Variants in CRYBG2 observed in about 807,000 individuals in gnomAD.
CRYBG2 encodes the protein crystallin beta-gamma domain containing 2.
In CRYBG2, 106 loss-of-function variants were observed where a neutral mutation model predicts 153.4. The observed-to-expected ratio is 0.69, with a 90% CI of 0.59 to 0.81. CRYBG2 has a LOEUF of 0.81. Among genes scored for constraint, CRYBG2 ranks in the 30% least tolerant of loss-of-function variants. The pLI is 0.00. For synonymous variants in CRYBG2, 851 were observed against 877.8 expected, an observed-to-expected ratio of 0.97 and a Z score of 0.54; for missense variants, 1,996 against 2,112.0, an observed-to-expected ratio of 0.95 and a Z score of 1.08.
At position 26,342,880 on chromosome 1, in the gene CRYBG2, C is replaced by T. The variant is rs1372183047; in HGVS notation, c.3078G>A (p.Trp1026Ter). ...GGAACTCTGGCTCTTCGTACAGCACCCAGCTGTGGGCACAGAGATTCCAGG... is the reference window on the plus strand; with the variant it reads ...GGAACTCTGGCTCTTCGTACAGCACTCAGCTGTGGGCACAGAGATTCCAGG... The part of the protein sequence containing the change: ...VASIRVVRGC[W>*]VLYEEPEFRG... The change falls in exon 5 of 20, where the codon TGG becomes TGA. Residue 1026 changes from tryptophan to a stop codon, truncating the protein, a stop_gained. Coordinates refer to ENST00000308182, the MANE Select transcript of CRYBG2 (RefSeq NM_001039775.4). LOFTEE classifies it high-confidence loss of function. The T allele has an allele frequency of 1.9e-6, 3 of 1,614,070 alleles. No individual in the cohort carries two copies. The highest frequency in any genetic ancestry group is 2.5e-6 in the Non-Finnish European group (3 of 1,179,994).
chr1:26,327,481 C>CA lies in CRYBG2; in HGVS notation c.4578+727dup, dbSNP rs67397717. 4.0e-4 allele frequency among the ~76,000 whole-genome samples: 60 copies of CA among 148,612 alleles called. No individual in the cohort carries two copies. The Middle Eastern group carries it at 0.014, about 34-fold the overall frequency. On this transcript the variant is annotated intron_variant, in intron 17 of 19. Transcript: ENST00000308182. ...AGATTCCGTCTCAAAAAACAAAAAA[C>CA]AAAAAAAAAAACCAAAAATTAGCCA...
chr1:26,345,466 C>T lies in CRYBG2; in HGVS notation c.1192G>A (p.Asp398Asn). Reference sequence around the variant, plus strand: ...GGCAGGACGGTGGCAGCAGGGGGGTCCACGGGCCCGTCCTTTTTTTTAGGG... The same window carrying T: ...GGCAGGACGGTGGCAGCAGGGGGGTTCACGGGCCCGTCCTTTTTTTTAGGG... ...LPPKKKDGPV[D>N]PPAATVLPMV... The change falls in exon 2 of 20, where the codon GAC (aspartate) becomes AAC (asparagine). Residue 398 changes from aspartate (D) to asparagine (N), a missense_variant. Coordinates refer to ENST00000308182, the MANE Select transcript of CRYBG2 (RefSeq NM_001039775.4). 1 of 1,594,664 alleles carries T rather than the reference C, an allele frequency of 6.3e-7. No individual in the cohort carries two copies. Among genetic ancestry groups the T allele is most frequent in the Non-Finnish European group, 8.6e-7 (1 of 1,169,490 alleles).
In CRYBG2 at chr1:26,344,232, C is replaced by T; in HGVS notation, c.2426G>A (p.Gly809Glu). ...TLPAIEEDQL[G>E]PWVLGPGPQE... is the part of the protein sequence containing the mutation. Reference sequence around the variant, plus strand: ...GGGTCCGGGGCCCAGCACCCATGGCCCCAGCTGGTCCTCCTCAATGGCAGG... The same window carrying T: ...GGGTCCGGGGCCCAGCACCCATGGCTCCAGCTGGTCCTCCTCAATGGCAGG... The change falls in exon 2 of 20, where the codon GGG (glycine) becomes GAG (glutamate). Residue 809 changes from glycine to glutamate, a missense_variant. Coordinates refer to ENST00000308182, the MANE Select transcript of CRYBG2 (RefSeq NM_001039775.4). 1.3e-6 allele frequency: 2 copies of T among 1,535,164 alleles called. No homozygotes were observed. Among genetic ancestry groups the T allele is most frequent in the African/African-American group, 1.4e-5 (1 of 73,110 alleles).
intron 1 of CRYBG2, among the ~76,000 whole-genome samples, chr1:26,351,449 A>G (rs2074286354): frequency 6.6e-6 from 1 of 152,182 alleles, no homozygotes; most frequent in East Asian, 1.9e-4. Flanking sequence ...GGGATGTGCT[A>G]GGCCTTGGCT....
chr1:26,337,335 A>C lies in CRYBG2; in HGVS notation c.3689T>G (p.Leu1230Arg). The C allele has an allele frequency of 1.2e-6, 2 of 1,614,026 alleles. No individual in the cohort carries two copies. The highest frequency in any genetic ancestry group is 1.7e-6 in the Non-Finnish European group (2 of 1,179,944). The change falls in exon 10 of 20, where the codon CTG becomes CGG. Residue 1230 changes from leucine to arginine, a missense_variant. Leu to Arg is a moderately radical substitution (Grantham distance 102). Transcript: ENST00000308182. ...EKEGFRGHQYLLEEGEYPDWS... is the reference protein window; with the variant it reads ...EKEGFRGHQYRLEEGEYPDWS... ...GTCTGGGTATTCCCCCTCCTCCAGCAGATACTGGTGGCCCCGGAAGCCCTC... is the reference window on the plus strand; with the variant it reads ...GTCTGGGTATTCCCCCTCCTCCAGCCGATACTGGTGGCCCCGGAAGCCCTC...
intron 1 of CRYBG2, among the ~76,000 whole-genome samples, chr1:26,350,674 A>G (rs904671204): frequency 4.6e-5 from 7 of 152,136 alleles, no homozygotes; most frequent in African/African-American, 1.4e-4. Flanking sequence ...TTACATTTAC[A>G]GGGAGCCATG....
rs41285435 is a variant in CRYBG2 at position 26,343,910 on chromosome 1, G to T, written c.2748C>A (p.Thr916=). 7 of 1,534,286 alleles carry T rather than the reference G, an allele frequency of 4.6e-6. No homozygotes were observed. In the East Asian group the frequency reaches 9.8e-5, roughly 21 times the overall value. The change falls in exon 2 of 20, where the codon ACC becomes ACA. Residue 916 remains threonine, a synonymous_variant. Coordinates refer to ENST00000308182, the MANE Select transcript of CRYBG2 (RefSeq NM_001039775.4). This position sits in a 1 kb window ranked among gnomAD's most constrained non-coding sequence, Gnocchi z 4.1. ...GSLLFGSLVP[T]AKEASTPEPL... The stretch of plus-strand genomic sequence containing the variant: ...GTTCCGGGGTGGAGGCCTCCTTGGC[G>T]GTAGGCACCAGACTGCCGAACAGAA...
At position 26,336,010 on chromosome 1, in the gene CRYBG2, G is replaced by A. The variant is rs2074048687; in HGVS notation, c.4184+85C>T. ...AACAGTTCATCGCAAGGTAGCCAAA[G>A]GAAGGAAATCATTTGAAAGACTCTC... On this transcript the variant is annotated intron_variant, in intron 14 of 19. Coordinates refer to ENST00000308182, the MANE Select transcript of CRYBG2 (RefSeq NM_001039775.4). The surrounding 1 kb of genome is among the most constrained non-coding windows in gnomAD (Gnocchi z 4.9). The A allele has an allele frequency of 8.6e-7, 1 of 1,159,518 alleles. No homozygotes were observed. The highest frequency in any genetic ancestry group is 1.2e-6 in the Non-Finnish European group (1 of 841,620). 71.8% of individuals were successfully genotyped at this position (1,159,518 alleles called of 1,614,324 possible). A position where few individuals can be genotyped will look rare whatever the true frequency, so the allele number is the denominator to read the frequency against.
rs2074077350 is a variant in CRYBG2 at position 26,337,572 on chromosome 1, C to T, written c.3610G>A (p.Ala1204Thr). Residue 1204 changes from alanine to threonine, a missense_variant, in exon 9 of 20, where the codon GCC becomes ACC. Ala to Thr is a moderately conservative substitution (Grantham distance 58, BLOSUM62 0). Transcript: ENST00000308182. Reference protein sequence around the residue: ...QPEDSQSPHLASVGSLRVLGG... With the variant: ...QPEDSQSPHLTSVGSLRVLGG... Reference sequence around the variant, plus strand: ...AGAACTCTCAGGGACCCCACAGAGGCCAGGTGGGGGCTCTGGCTGTCCTCT... The same window carrying T: ...AGAACTCTCAGGGACCCCACAGAGGTCAGGTGGGGGCTCTGGCTGTCCTCT... The T allele has an allele frequency of 6.2e-7, 1 of 1,612,874 alleles. No individual in the cohort carries two copies. Among genetic ancestry groups the T allele is most frequent in the Non-Finnish European group, 8.5e-7 (1 of 1,179,964 alleles).
intron 14 of CRYBG2, among the ~76,000 whole-genome samples, chr1:26,332,223 C>G (rs543144882): frequency 1.1e-3 from 166 of 148,144 alleles, no homozygotes; most frequent in Non-Finnish European, 1.9e-3. Context: ...AGGAGAATGG[C>G]ATGAACCCAG....
chr1:26,324,032 C>T, intron 18 of CRYBG2, 120 bp downstream of exon 18: 1 of 1,088,248 alleles, frequency 9.2e-7, no homozygotes. Flanking sequence ...CTCTCCCTCT[C>T]CCCAGGGTCC....
intron 1 of CRYBG2, among the ~76,000 whole-genome samples, chr1:26,347,297 T>TTTG (rs2074235832): frequency 1.4e-5 from 2 of 137,946 alleles, no homozygotes; most frequent in African/African-American, 2.7e-5. Context: ...TTTTTTTTTT[T>TTTG]TTTTTTTTTT....
At chr1:26,347,550 A>G (rs1158897539) in intron 1 of CRYBG2, among the ~76,000 whole-genome samples, 1 of 151,438 alleles carries the variant, frequency 6.6e-6, no homozygotes, top group Non-Finnish European at 1.5e-5. Context: ...GTGCAGTGGC[A>G]TGATCTCGGC....
Position 26,342,773 on chromosome 1 carries a change from G to T in CRYBG2, c.3185C>A (p.Ser1062Tyr), listed in dbSNP as rs1257507610. Reference sequence around the variant, plus strand: ...ACTCACCCAGACAACCCTCCTTAGGGAGCCGATGCCTTGGGGACTCCACTT... The same window carrying T: ...ACTCACCCAGACAACCCTCCTTAGGTAGCCGATGCCTTGGGGACTCCACTT... ...GTKWSPQGIG[S>Y]LRRVVWDYST... Residue 1062 changes from serine to tyrosine, a missense_variant, in exon 5 of 20, where the codon TCC (serine) becomes TAC (tyrosine). Ser to Tyr is a moderately radical substitution (Grantham distance 144, BLOSUM62 -2). Coordinates refer to ENST00000308182, the MANE Select transcript of CRYBG2 (RefSeq NM_001039775.4). 6.2e-7 allele frequency: 1 copy of T among 1,613,862 alleles called. No individual in the cohort carries two copies.
At chr1:26,329,674 G>A (rs1174459135) in intron 15 of CRYBG2, among the ~76,000 whole-genome samples, 1 of 152,042 alleles carries the variant, frequency 6.6e-6, no homozygotes, top group Non-Finnish European at 1.5e-5. Flanking sequence ...GTCTCACCAT[G>A]TTGCCCAGGC....
chr1:26,328,388 GACAGGTGGAGGAGGAGAC>G, intron 16 of CRYBG2, 56 bp from the exon 17 acceptor site: 1 of 1,542,942 alleles, frequency 6.5e-7, no homozygotes, highest in African/African-American at 1.4e-5. Flanking sequence ...CAGACAGACA[GACAGGTGGAGGAGGAGAC>G]ACAGACGTCA....
At chr1:26,351,728 A>G (rs919241236) in intron 1 of CRYBG2, among the ~76,000 whole-genome samples, 4 of 152,154 alleles carry the variant, frequency 2.6e-5, no homozygotes, top group Non-Finnish European at 4.4e-5. Flanking sequence ...GCATGTGGTC[A>G]TTGGCTTCTG....
Position 26,342,782 on chromosome 1 carries a change from C to G in CRYBG2, c.3176G>C (p.Gly1059Ala), listed in dbSNP as rs147918435. ...RTPGTKWSPQ[G>A]IGSLRRVVWD... is the part of the protein sequence containing the mutation. ...GACAACCCTCCTTAGGGAGCCGATG[C>G]CTTGGGGACTCCACTTTGTCCCTGG... The change falls in exon 5 of 20, where the codon GGC becomes GCC. Residue 1059 changes from glycine to alanine, a missense_variant. By Grantham distance (60) the Gly-to-Ala change is moderately conservative. Transcript: ENST00000308182. 240 of 1,614,046 alleles carry G rather than the reference C, an allele frequency of 1.5e-4. No individual in the cohort carries two copies. In the African/African-American group the frequency reaches 2.9e-3, roughly 20 times the overall value.
rs757652571 is a variant in CRYBG2, at chr1:26,336,918, C to T, written c.3834G>A (p.Glu1278=). 6.2e-7 allele frequency: 1 copy of T among 1,612,742 alleles called. No individual in the cohort carries two copies. Among genetic ancestry groups the T allele is most frequent in the Non-Finnish European group, 8.5e-7 (1 of 1,179,572 alleles). The change falls in exon 11 of 20, where the codon GAG becomes GAA. Residue 1278 remains glutamate (E), a synonymous_variant. Transcript: ENST00000308182. This position sits in a 1 kb window ranked among gnomAD's most constrained non-coding sequence, Gnocchi z 4.9. ...CCACATCCGGCAATGCCTTGCTCAC[C>T]TCCACGCCGTGCCCCTCGAAGTCCA... is the stretch of plus-strand genomic sequence containing the variant. ...EAMDFEGHGV[E]VSKALPDVEL...
Sources: allele counts gnomAD v4.1 joint callset (sites outside exome capture counted in the v4.1 genomes callset), GRCh38; gene constraint gnomAD v4.1.1; non-coding constraint Gnocchi (gnomAD v3.1); transcripts MANE v1.5; gene names NCBI Gene and HGNC (gene_info 2026-07-23, HGNC 2026-07-21).